CCNG2: variants seen among roughly 807,000 people sequenced by gnomAD.
CCNG2 encodes cyclin G2.
A neutral mutation model predicts 36.5 loss-of-function variants in CCNG2; 20 were observed. The ratio of observed to expected loss-of-function variants is 0.55; its 90% CI spans 0.39 to 0.80. CCNG2 has a LOEUF of 0.80. Ranked by LOEUF, CCNG2 falls within the 30% of genes least tolerant of loss-of-function variation. The probability of loss-of-function intolerance (pLI) is 0.00; values close to 1 mark genes in which losing one functional copy is unlikely to be tolerated. For synonymous variants in CCNG2, 155 were observed against 140.1 expected, an observed-to-expected ratio of 1.11 and a Z score of -0.75; for missense variants, 358 against 390.8, an observed-to-expected ratio of 0.92 and a Z score of 0.71.
At chr4:77,160,136 T>G (rs970433265) in intron 3 of CCNG2, among the ~76,000 whole-genome samples, 3 of 152,200 alleles carry the variant, frequency 2.0e-5, no homozygotes, top group Non-Finnish European at 4.4e-5. Flanking sequence ...ATGGAATGAC[T>G]CTTAAAGATT....
In CCNG2 at chr4:77,168,921, T is replaced by C. The variant is rs1731697633; in HGVS notation, c.*2997T>C. The C allele has an allele frequency of 6.6e-6, 1 of 152,304 alleles. No individual in the cohort carries two copies. The highest frequency in any genetic ancestry group is 6.5e-5 in the Admixed American group (1 of 15,284). 9.4% of individuals were successfully genotyped at this position (152,304 alleles called of 1,614,324 possible). A position where few individuals can be genotyped will look rare whatever the true frequency, so the allele number is the denominator to read the frequency against. The stretch of plus-strand genomic sequence containing the variant: ...GCGAGAGATTTGACCTTTCAGGTTT[T>C]GATCCTGTCATTTTCTAGGATGTGG... On this transcript the variant is annotated 3_prime_UTR_variant, in exon 8 of 8. Transcript: ENST00000316355.
At position 77,169,904 on chromosome 4, in the gene CCNG2, A is replaced by G. The variant is rs932374224; in HGVS notation, c.*3980A>G. On this transcript the variant is annotated 3_prime_UTR_variant, in exon 8 of 8. Coordinates refer to ENST00000316355, the MANE Select transcript of CCNG2 (RefSeq NM_004354.3). ...TTAAACAGTAATAGATAAGTGAGAC[A>G]GATTGCTTGTTATTTATGGTCAAAT... 1.3e-5 allele frequency: 2 copies of G among 152,226 alleles called. No individual in the cohort carries two copies. Among genetic ancestry groups the G allele is most frequent in the Non-Finnish European group, 2.9e-5 (2 of 68,036 alleles). 9.4% of individuals were successfully genotyped at this position (152,226 alleles called of 1,614,324 possible). A position where few individuals can be genotyped will look rare whatever the true frequency, so the allele number is the denominator to read the frequency against.
At chr4:77,160,461 C>T (rs1215505931) in intron 3 of CCNG2, among the ~76,000 whole-genome samples, 2 of 150,704 alleles carry the variant, frequency 1.3e-5, no homozygotes, top group Non-Finnish European at 1.5e-5. Flanking sequence ...CTCAAGCAGT[C>T]CTCCCACCTC....
At chr4:77,161,377 C>A in intron 4 of CCNG2, 103 bp from the exon 5 acceptor site, 1 of 842,626 alleles carries the variant, frequency 1.2e-6, no homozygotes, top group Non-Finnish European at 1.8e-6. Flanking sequence ...GGTGGGATTA[C>A]AGGCGTGAGA....
In CCNG2 at chr4:77,157,432, G is replaced by A. The variant is rs1286975984; in HGVS notation, c.-75G>A. On this transcript the variant is annotated 5_prime_UTR_variant, in exon 1 of 8. Transcript: ENST00000316355. ...GGTGGGTCCCCGACCTGCGAGACAG[G>A]TTTGGAAGCCCCCGCTGCGCCCAGT... The A allele has an allele frequency of 1.3e-5, 2 of 152,334 alleles. No homozygotes were observed. The highest frequency in any genetic ancestry group is 2.4e-5 in the African/African-American group (1 of 41,464). 9.4% of individuals were successfully genotyped at this position (152,334 alleles called of 1,614,324 possible).
chr4:77,164,535 T>A, intron 7 of CCNG2, 56 bp downstream of exon 7: 4 of 1,284,886 alleles, frequency 3.1e-6, no homozygotes, highest in African/African-American at 1.5e-5. Flanking sequence ...ACTGAGTTTA[T>A]TATACTCAGA....
intron 1 of CCNG2, 46 bp from the exon 2 acceptor site, chr4:77,158,487 C>T (rs1221421936): frequency 1.2e-6 from 2 of 1,608,176 alleles, no homozygotes; most frequent in South Asian, 1.1e-5. Context: ...CTTCCCCACC[C>T]CTCTTACCCC....
chr4:77,163,126 T>C (rs1731531626), intron 6 of CCNG2, among the ~76,000 whole-genome samples: 2 of 152,108 alleles, frequency 1.3e-5, no homozygotes, highest in African/African-American at 4.8e-5. Flanking sequence ...AGTTAGAGAT[T>C]GAGGTTTGGA....
At chr4:77,158,957 A>G (rs1307169002) in intron 2 of CCNG2, among the ~76,000 whole-genome samples, 2 of 152,182 alleles carry the variant, frequency 1.3e-5, no homozygotes, top group Admixed American at 6.6e-5. Flanking sequence ...CCCCGGGTGA[A>G]TTGAGTAGTT....
In CCNG2 at chr4:77,160,982, T is replaced by C. The variant is rs1445822546; in HGVS notation, c.527+11T>C. 1.3e-6 allele frequency: 2 copies of C among 1,586,968 alleles called. No homozygotes were observed. Among genetic ancestry groups the C allele is most frequent in the Admixed American group, 3.4e-5 (2 of 59,236 alleles). On this transcript the variant is annotated intron_variant, in intron 4 of 7. Coordinates refer to ENST00000316355, the MANE Select transcript of CCNG2 (RefSeq NM_004354.3). Reference sequence around the variant, plus strand: ...TCATACTTCAGAAAGGTCAGTGGGATTAAAGATACATTTTGTACTTTGAAC... The same window carrying C: ...TCATACTTCAGAAAGGTCAGTGGGACTAAAGATACATTTTGTACTTTGAAC...
chr4:77,161,117 T>TTTG, intron 4 of CCNG2, 146 bp downstream of exon 4: 2 of 710,800 alleles, frequency 2.8e-6, no homozygotes, highest in Non-Finnish European at 4.4e-6. Context: ...TTTTTTTTTT[T>TTTG]TGGAGAAGGA....
At position 77,165,787 on chromosome 4, in the gene CCNG2, CT is replaced by C; in HGVS notation, c.912-9del. The C allele has an allele frequency of 6.5e-7, 1 of 1,530,312 alleles. No individual in the cohort carries two copies. The highest frequency in any genetic ancestry group is 8.8e-7 in the Non-Finnish European group (1 of 1,141,696). 94.8% of individuals were successfully genotyped at this position (1,530,312 alleles called of 1,614,324 possible). On this transcript the variant is annotated splice_polypyrimidine_tract_variant and intron_variant, in intron 7 of 7. Coordinates refer to ENST00000316355, the MANE Select transcript of CCNG2 (RefSeq NM_004354.3). ...GTAATGGTATCCTCTTTTTTTGTCT[CT>C]TTTTCTCTTTAGTGAGGACTCTTGT...
At position 77,164,396 on chromosome 4, in the gene CCNG2, A is replaced by G. The variant is rs1293823890; in HGVS notation, c.828A>G (p.Thr276=). ...TGGTTTGGATCGTTTCAAGGCGCAC[A>G]GCCCAGAACCTCCACAACAGCTACT... The part of the protein sequence containing the change: ...KKLVWIVSRR[T]AQNLHNSYYS... The change falls in exon 7 of 8, where the codon ACA becomes ACG. Residue 276 remains threonine (T), a synonymous_variant. Transcript: ENST00000316355. 2 of 1,614,066 alleles carry G rather than the reference A, an allele frequency of 1.2e-6. No homozygotes were observed. The highest frequency in any genetic ancestry group is 1.7e-6 in the Non-Finnish European group (2 of 1,180,030).
At chr4:77,162,575 G>A (rs1265073851) in intron 6 of CCNG2, among the ~76,000 whole-genome samples, 6 of 152,058 alleles carry the variant, frequency 3.9e-5, no homozygotes, top group African/African-American at 1.4e-4. Flanking sequence ...TAGAGATGGG[G>A]TTTCGCCATG....
intron 3 of CCNG2, 130 bp downstream of exon 3, chr4:77,159,634 T>G: frequency 1.3e-6 from 1 of 791,576 alleles, no homozygotes; most frequent in South Asian, 2.2e-5. Flanking sequence ...ATCAGAATTG[T>G]GATCGTTAGT....
intron 7 of CCNG2, chr4:77,164,723 T>G (rs1269093588): frequency 1.1e-5 from 4 of 362,714 alleles, no homozygotes; most frequent in Non-Finnish European, 2.0e-5. Flanking sequence ...TGAGTAGAGA[T>G]AGGGTCTCGC....
intron 4 of CCNG2, 26 bp downstream of exon 4, chr4:77,160,997 G>T: frequency 1.3e-6 from 2 of 1,530,214 alleles, no homozygotes; most frequent in Non-Finnish European, 1.8e-6. Flanking sequence ...GATACATTTT[G>T]TACTTTGAAC....
intron 1 of CCNG2, chr4:77,158,194 A>C (rs1177145898): frequency 5.3e-5 from 15 of 283,844 alleles, no homozygotes; most frequent in East Asian, 3.5e-4. Flanking sequence ...TCCCCTGGGC[A>C]GAAGGCCCTC....
Position 77,160,933 on chromosome 4 carries a change from C to T in CCNG2, c.489C>T (p.His163=), listed in dbSNP as rs4150063. The change falls in exon 4 of 8, where the codon CAC becomes CAT. Residue 163 remains histidine (H), a synonymous_variant. Transcript: ENST00000316355. ...LEATTALNFL[H]LYHTIILCHT... Reference sequence around the variant, plus strand: ...CTACTACTGCCTTAAACTTTTTGCACTTATACCATACTATTATACTTTGTC... The same window carrying T: ...CTACTACTGCCTTAAACTTTTTGCATTTATACCATACTATTATACTTTGTC... 37,039 of 1,607,192 alleles carry T rather than the reference C, an allele frequency of 0.023. 512 individuals carry two copies. The highest frequency in any genetic ancestry group is 0.048 in the Middle Eastern group (294 of 6,062).
Sources: allele counts gnomAD v4.1 joint callset (sites outside exome capture counted in the v4.1 genomes callset), GRCh38; gene constraint gnomAD v4.1.1; transcripts MANE v1.5; gene names NCBI Gene and HGNC (gene_info 2026-07-23, HGNC 2026-07-21).